CTSE: variants seen among roughly 807,000 people sequenced by gnomAD.
CTSE encodes the protein erythrocyte membrane aspartic proteinase.
CTSE carries 43 observed loss-of-function variants against 42.8 expected under a neutral mutation model. The ratio of observed to expected loss-of-function variants is 1.01; its 90% CI spans 0.79 to 1.30. The LOEUF is 1.30. CTSE is among the 50% of genes most tolerant of loss of function. CTSE has a pLI of 0.00. For synonymous variants in CTSE, 205 were observed against 191.5 expected (o/e 1.07, Z -0.58); for missense variants, 532 against 493.5 (o/e 1.08, Z -0.74).
chr1:206,022,147 T>G lies in CTSE; in HGVS notation c.343+3A>C. The G allele has an allele frequency of 1.3e-6, 2 of 1,576,866 alleles. No individual in the cohort carries two copies. The highest frequency in any genetic ancestry group is 1.7e-6 in the Non-Finnish European group (2 of 1,153,412). On this transcript the variant is annotated splice_donor_region_variant and intron_variant, in intron 3 of 8. Coordinates refer to ENST00000358184, the MANE Select transcript of CTSE (RefSeq NM_001910.4). ...CTCTGCTGGTGCTCCTGGCCCCACT[T>G]ACTGCAGGCTGGGCTAGTGCAGTAC...
intron 4 of CTSE, among the ~76,000 whole-genome samples, chr1:206,019,973 TATA>T (rs1361831251): frequency 6.9e-6 from 1 of 144,006 alleles, no homozygotes; most frequent in Non-Finnish European, 1.5e-5. Context: ...TATTCTATAA[TATA>T]TTATATATTA....
At position 206,023,817 on chromosome 1, in the gene CTSE, CT is replaced by C; in HGVS notation, c.-27del. On this transcript the variant is annotated 5_prime_UTR_variant, in exon 1 of 9. Coordinates refer to ENST00000358184, the MANE Select transcript of CTSE (RefSeq NM_001910.4). ...TGTGAGTCCGACCAGCAGCTTCTCCCTTGCCCCCTCCTTTCTTCTCTCCCCG... is the reference window on the plus strand; with the variant it reads ...TGTGAGTCCGACCAGCAGCTTCTCCCTGCCCCCTCCTTTCTTCTCTCCCCG... 6.2e-7 allele frequency: 1 copy of C among 1,611,442 alleles called. No homozygotes were observed. Among genetic ancestry groups the C allele is most frequent in the East Asian group, 2.2e-5 (1 of 44,868 alleles).
rs1661029458 is a variant in CTSE at position 206,009,735 on chromosome 1, C to T, written c.*448G>A. 6.2e-6 allele frequency: 1 copy of T among 162,400 alleles called. No individual in the cohort carries two copies. Among genetic ancestry groups the T allele is most frequent in the Non-Finnish European group, 1.3e-5 (1 of 74,456 alleles). The allele number at this position is 162,400 out of a possible 1,614,324, so 10.1% of individuals were successfully genotyped here. The stretch of plus-strand genomic sequence containing the variant: ...TGCTCGGAATTTGCTTCAGAATGAT[C>T]CAGGTACAGCATGTGGAGCTGGAGA... On this transcript the variant is annotated 3_prime_UTR_variant, in exon 9 of 9. Coordinates refer to ENST00000358184, the MANE Select transcript of CTSE (RefSeq NM_001910.4).
At chr1:206,018,501 A>AT (rs1292621202) in intron 4 of CTSE, among the ~76,000 whole-genome samples, 137 of 151,902 alleles carry the variant, frequency 9.0e-4, no homozygotes, top group African/African-American at 3.0e-3. Context: ...TGAAAGACTG[A>AT]TTTTTTTTAG....
chr1:206,018,671 T>C (rs1661327992), intron 4 of CTSE, among the ~76,000 whole-genome samples: 2 of 152,048 alleles, frequency 1.3e-5, no homozygotes, highest in East Asian at 3.8e-4. Context: ...GTTGATTTTC[T>C]GAAAATTGTA....
chr1:206,018,818 A>G (rs1209621298), intron 4 of CTSE, among the ~76,000 whole-genome samples: 1 of 151,956 alleles, frequency 6.6e-6, no homozygotes, highest in African/African-American at 2.4e-5. Context: ...TACTCTTTGC[A>G]AAGAGTTCAT....
Position 206,023,765 on chromosome 1 carries a change from C to CA in CTSE, c.26dup (p.Val10GlyfsTer35). ...GGGCCTCTCCCAGCTCCAGGAGCACCAGCAGCAAAAGAAGGAGCGTTTTCA... is the reference window on the plus strand; with the variant it reads ...GGGCCTCTCCCAGCTCCAGGAGCACCAAGCAGCAAAAGAAGGAGCGTTTTCA... On this transcript the variant is annotated frameshift_variant, in exon 1 of 9. Transcript: ENST00000358184. LOFTEE classifies it high-confidence loss of function. The CA allele has an allele frequency of 6.2e-7, 1 of 1,613,790 alleles. No individual in the cohort carries two copies. Among genetic ancestry groups the CA allele is most frequent in the African/African-American group, 1.3e-5 (1 of 75,024 alleles).
intron 2 of CTSE, 62 bp from the exon 3 acceptor site, chr1:206,022,329 C>A: frequency 8.2e-7 from 1 of 1,221,802 alleles, no homozygotes; most frequent in Non-Finnish European, 1.2e-6. Flanking sequence ...GGGTGCTCAC[C>A]AGGAAGCCAG....
chr1:206,020,757 C>G (rs1396034228), intron 4 of CTSE, among the ~76,000 whole-genome samples: 4 of 152,130 alleles, frequency 2.6e-5, no homozygotes, highest in Non-Finnish European at 4.4e-5. Flanking sequence ...TTTATCTCCT[C>G]AATGCCCTAG....
chr1:206,016,921 G>A (rs1251277552), intron 4 of CTSE, among the ~76,000 whole-genome samples: 3 of 151,994 alleles, frequency 2.0e-5, no homozygotes, highest in Admixed American at 2.0e-4. Context: ...GAATCAGTTT[G>A]CTAATGTCTA....
chr1:206,016,921 G>T (rs1251277552), intron 4 of CTSE, among the ~76,000 whole-genome samples: 2 of 152,112 alleles, frequency 1.3e-5, no homozygotes, highest in Admixed American at 6.5e-5. Flanking sequence ...GAATCAGTTT[G>T]CTAATGTCTA....
intron 4 of CTSE, among the ~76,000 whole-genome samples, chr1:206,017,242 T>C (rs1229402810): frequency 2.0e-5 from 3 of 152,184 alleles, no homozygotes; most frequent in East Asian, 3.9e-4. Context: ...TTGTTTTACT[T>C]GCTACAGGTT....
In CTSE at chr1:206,023,851, TG is replaced by T; in HGVS notation, c.-61del. 2 of 1,562,556 alleles carry T rather than the reference TG, an allele frequency of 1.3e-6. No homozygotes were observed. Among genetic ancestry groups the T allele is most frequent in the East Asian group, 4.5e-5 (2 of 44,528 alleles). ...TCCTTTCTTCTCTCCCCGAGGGCAG[TG>T]GGAACGGACTTTCCCTAACTCTCAG... On this transcript the variant is annotated 5_prime_UTR_variant, in exon 1 of 9. Transcript: ENST00000358184.
chr1:206,016,341 C>T (rs1661265197), intron 4 of CTSE, among the ~76,000 whole-genome samples: 1 of 152,000 alleles, frequency 6.6e-6, no homozygotes. Flanking sequence ...ATCATTGCGC[C>T]CCTCCTCAAG....
chr1:206,010,393 G>T, intron 8 of CTSE, 46 bp from the exon 9 acceptor site: 5 of 1,544,458 alleles, frequency 3.2e-6, no homozygotes, highest in Non-Finnish European at 4.5e-6. Context: ...GGGGAAGAAG[G>T]TAGTAGTACT....
At position 206,013,838 on chromosome 1, in the gene CTSE, T is replaced by C; in HGVS notation, c.719A>G (p.His240Arg). 6.2e-7 allele frequency: 1 copy of C among 1,613,780 alleles called. No individual in the cohort carries two copies. The highest frequency in any genetic ancestry group is 8.5e-7 in the Non-Finnish European group (1 of 1,179,814). ...GACCCAATTCAGGCTCCCAGAGAAA[T>C]GGGAGTGGTCGTAGCCTCCAAAAAT... ...ELIFGGYDHS[H>R]FSGSLNWVPV... The change falls in exon 6 of 9, where the codon CAT becomes CGT. Residue 240 changes from histidine to arginine, a missense_variant. Physicochemically the swap from His to Arg is conservative, Grantham distance 29. Coordinates refer to ENST00000358184, the MANE Select transcript of CTSE (RefSeq NM_001910.4).
chr1:206,015,924 G>A lies in CTSE; in HGVS notation c.662+7C>T, dbSNP rs1661247732. 6.2e-7 allele frequency: 1 copy of A among 1,612,962 alleles called. No individual in the cohort carries two copies. Among genetic ancestry groups the A allele is most frequent in the Non-Finnish European group, 8.5e-7 (1 of 1,179,130 alleles). On this transcript the variant is annotated splice_region_variant and intron_variant, in intron 5 of 8. Coordinates refer to ENST00000358184, the MANE Select transcript of CTSE (RefSeq NM_001910.4). ...GACTTTAACCTCACAGACTTGATGG[G>A]CCTTACCTGCTCATGTAGACAGAAA...
Position 206,010,134 on chromosome 1 carries a change from A to C in CTSE, c.*49T>G, listed in dbSNP as rs782252977. The stretch of plus-strand genomic sequence containing the variant: ...TAGGTGTAAAGAATGCCCCAGCCTA[A>C]CATATTCAAGGTCTGTCAGACAGGC... On this transcript the variant is annotated 3_prime_UTR_variant, in exon 9 of 9. Coordinates refer to ENST00000358184, the MANE Select transcript of CTSE (RefSeq NM_001910.4). The C allele has an allele frequency of 6.2e-7, 1 of 1,610,218 alleles. No individual in the cohort carries two copies. The highest frequency in any genetic ancestry group is 1.1e-5 in the South Asian group (1 of 90,992).
chr1:206,012,710 C>T (rs1319753720), intron 6 of CTSE, 61 bp from the exon 7 acceptor site: 27 of 1,586,044 alleles, frequency 1.7e-5, no homozygotes, highest in Non-Finnish European at 2.3e-5. Context: ...GAAACTCCCA[C>T]TCTTTTTTGG....
Sources: gnomAD v4.1 joint callset for allele counts (sites outside exome capture counted in the v4.1 genomes callset) on GRCh38, gnomAD v4.1.1 for gene constraint, MANE v1.5 for transcripts, NCBI Gene and HGNC (gene_info 2026-07-23, HGNC 2026-07-21) for gene names.